PPP2R2B: variants seen among roughly 807,000 people sequenced by gnomAD.
PPP2R2B encodes the protein serine/threonine-protein phosphatase 2A 55 kDa regulatory subunit B beta isoform.
PPP2R2B carries 5 observed loss-of-function variants against 46.0 expected under a neutral mutation model. That is an observed-to-expected ratio of 0.11 (90% CI 0.06 to 0.23). The LOEUF is 0.23. Among genes scored for constraint, PPP2R2B ranks in the 10% least tolerant of loss-of-function variants. PPP2R2B has a pLI of 1.00. For synonymous variants in PPP2R2B, 215 were observed against 206.7 expected, an observed-to-expected ratio of 1.04 and a Z score of -0.34; for missense variants, 367 against 575.0, an observed-to-expected ratio of 0.64 and a Z score of 3.70.
At chr5:146,905,016 A>G (rs1165128681) in intron 1 of PPP2R2B, among the ~76,000 whole-genome samples, 1 of 152,240 alleles carries the variant, frequency 6.6e-6, no homozygotes, top group Non-Finnish European at 1.5e-5. Context: ...ATTTTACCAA[A>G]GGATATATAT....
intron 7 of PPP2R2B, 133 bp downstream of exon 7, chr5:146,638,118 G>A: frequency 1.3e-6 from 1 of 785,784 alleles, no homozygotes; most frequent in East Asian, 2.9e-5. Flanking sequence ...AAAATACGGA[G>A]CTGACTCCCA....
At chr5:146,951,867 T>C (rs1165011138) in intron 1 of PPP2R2B, among the ~76,000 whole-genome samples, 1 of 152,064 alleles carries the variant, frequency 6.6e-6, no homozygotes, top group Admixed American at 6.6e-5. Flanking sequence ...TACCTTTGGG[T>C]ATATACCCAG....
At chr5:146,645,521 C>T (rs1040845765) in intron 6 of PPP2R2B, among the ~76,000 whole-genome samples, 1 of 152,128 alleles carries the variant, frequency 6.6e-6, no homozygotes, top group Non-Finnish European at 1.5e-5. Context: ...GTACTAGACC[C>T]CACAGTTCCC....
intron 1 of PPP2R2B, among the ~76,000 whole-genome samples, chr5:146,911,235 C>A (rs527558618): frequency 1.3e-5 from 2 of 152,104 alleles, no homozygotes; most frequent in South Asian, 4.2e-4. Context: ...AGGTGCACAC[C>A]ACCATGTCCG....
At chr5:147,016,576 TAC>T (rs1755017871) in intron 1 of PPP2R2B, among the ~76,000 whole-genome samples, 1 of 8,478 alleles carries the variant, frequency 1.2e-4, no homozygotes, top group Non-Finnish European at 3.0e-4. Flanking sequence ...CATATACAGA[TAC>T]ATTGTGGAAT....
intron 7 of PPP2R2B, among the ~76,000 whole-genome samples, chr5:146,618,107 G>A (rs1343130496): frequency 6.6e-6 from 1 of 152,150 alleles, no homozygotes; most frequent in Non-Finnish European, 1.5e-5. Flanking sequence ...ATGACAAGGG[G>A]GAATTAAGGT....
intron 4 of PPP2R2B, among the ~76,000 whole-genome samples, chr5:146,696,057 A>G (rs1411695375): frequency 6.6e-6 from 1 of 151,962 alleles, no homozygotes; most frequent in Non-Finnish European, 1.5e-5. Flanking sequence ...ATTGCATTTC[A>G]CTGATTTTTT....
chr5:146,802,955 C>A (rs1010201587), intron 2 of PPP2R2B, among the ~76,000 whole-genome samples: 2 of 152,050 alleles, frequency 1.3e-5, no homozygotes, highest in East Asian at 3.9e-4. Flanking sequence ...TCCTCACTAT[C>A]AACATTAATA....
chr5:146,604,255 G>A (rs1311865061), intron 7 of PPP2R2B, among the ~76,000 whole-genome samples: 1 of 152,214 alleles, frequency 6.6e-6, no homozygotes, highest in Non-Finnish European at 1.5e-5. Flanking sequence ...ACACCAGTGT[G>A]TGTTCCATAA....
chr5:147,063,165 ATAG>A (rs1017358657), intron 2 of PPP2R2B, among the ~76,000 whole-genome samples: 1 of 152,122 alleles, frequency 6.6e-6, no homozygotes, highest in African/African-American at 2.4e-5. Flanking sequence ...AAAGAGATGC[ATAG>A]TAGAAAACTC....
intron 2 of PPP2R2B, among the ~76,000 whole-genome samples, chr5:146,797,722 A>G (rs1756627460): frequency 6.6e-6 from 1 of 152,206 alleles, no homozygotes; most frequent in Admixed American, 6.5e-5. Flanking sequence ...GGGACTCCTG[A>G]GAACCTAATT....
At chr5:146,892,340 AAAT>A (rs1762515414) in intron 1 of PPP2R2B, among the ~76,000 whole-genome samples, 1 of 152,202 alleles carries the variant, frequency 6.6e-6, no homozygotes, top group Middle Eastern at 3.2e-3. Flanking sequence ...AATAGCGTTG[AAAT>A]AATAATTCCT....
At chr5:146,738,417 A>T (rs2151217034) in intron 2 of PPP2R2B, among the ~76,000 whole-genome samples, 1 of 146,492 alleles carries the variant, frequency 6.8e-6, no homozygotes, top group South Asian at 2.2e-4. Context: ...AAAAAAAAAA[A>T]TCTTAGCTTC....
intron 2 of PPP2R2B, among the ~76,000 whole-genome samples, chr5:146,857,623 CTG>C (rs1446233934): frequency 6.6e-6 from 1 of 151,964 alleles, no homozygotes; most frequent in Non-Finnish European, 1.5e-5. Flanking sequence ...TATTTGTCCT[CTG>C]TTTTGTAATC....
chr5:146,857,260 G>T (rs1458759906), intron 2 of PPP2R2B, among the ~76,000 whole-genome samples: 1 of 152,112 alleles, frequency 6.6e-6, no homozygotes, highest in Non-Finnish European at 1.5e-5. Flanking sequence ...GCGTTCAGAA[G>T]TATGAGGTTA....
chr5:146,737,444 C>G (rs1469008555), intron 2 of PPP2R2B, among the ~76,000 whole-genome samples: 3 of 152,166 alleles, frequency 2.0e-5, no homozygotes, highest in African/African-American at 7.2e-5. Flanking sequence ...TTTACTTTTA[C>G]CTCTTTAACA....
chr5:146,963,074 C>T (rs1029480705), intron 1 of PPP2R2B, among the ~76,000 whole-genome samples: 5 of 152,140 alleles, frequency 3.3e-5, no homozygotes, highest in Non-Finnish European at 7.4e-5. Context: ...TGGATTGGGG[C>T]AATTATTCAA....
chr5:146,961,683 T>C (rs878870609), intron 1 of PPP2R2B, among the ~76,000 whole-genome samples: 1 of 152,160 alleles, frequency 6.6e-6, no homozygotes, highest in Non-Finnish European at 1.5e-5. Context: ...AAAACCCATT[T>C]TTATAGCCTG....
At chr5:146,910,539 C>A (rs911399682) in intron 1 of PPP2R2B, among the ~76,000 whole-genome samples, 68 of 152,126 alleles carry the variant, frequency 4.5e-4, no homozygotes, top group Non-Finnish European at 8.8e-5. Context: ...GATCTCTGAC[C>A]ATTAGTTGCC....
Sources: gnomAD v4.1 joint callset for allele counts (sites outside exome capture counted in the v4.1 genomes callset) on GRCh38, gnomAD v4.1.1 for gene constraint, MANE v1.5 for transcripts, NCBI Gene and HGNC (gene_info 2026-07-23, HGNC 2026-07-21) for gene names.